The following GRID2 variants were observed in gnomAD, a reference collection of about 807,000 sequenced individuals.
GRID2 encodes the protein glutamate receptor ionotropic, delta-2.
GRID2 carries 33 observed loss-of-function variants against 114.8 expected under a neutral mutation model. The observed-to-expected ratio is 0.29, with a 90% CI of 0.22 to 0.38. The LOEUF is 0.38. GRID2 is among the 10% of genes least tolerant of loss of function. The pLI, the probability that GRID2 is intolerant of heterozygous loss-of-function variation, is 1.00. For missense variants in GRID2, 1,184 were observed against 1,257.7 expected (o/e 0.94, Z 0.89); for synonymous variants, 505 against 449.9 (o/e 1.12, Z -1.55).
chr4:93,541,794 T>C (rs1032920198), intron 13 of GRID2, among the ~76,000 whole-genome samples: 2 of 152,108 alleles, frequency 1.3e-5, no homozygotes, highest in African/African-American at 4.8e-5. Context: ...TTATCCTAAT[T>C]TTGCGTTTCA....
chr4:92,884,618 C>T (rs879661532), intron 2 of GRID2: 1 of 158,424 alleles, frequency 6.3e-6, no homozygotes, highest in Non-Finnish European at 1.4e-5. Flanking sequence ...GGACTTTTCA[C>T]TGGCCTAATT....
At chr4:92,337,657 AACTC>A (rs1727257619) in intron 1 of GRID2, among the ~76,000 whole-genome samples, 1 of 152,074 alleles carries the variant, frequency 6.6e-6, no homozygotes, top group Non-Finnish European at 1.5e-5. Context: ...ATCTTGTAAG[AACTC>A]ACTCACTATC....
chr4:92,849,968 G>C (rs1051772061), intron 2 of GRID2, among the ~76,000 whole-genome samples: 1 of 151,314 alleles, frequency 6.6e-6, no homozygotes, highest in Non-Finnish European at 1.5e-5. Context: ...CTTTCTACTT[G>C]AGAAGACAGA....
chr4:93,304,853 T>C (rs1191419682), intron 8 of GRID2, among the ~76,000 whole-genome samples: 1 of 152,132 alleles, frequency 6.6e-6, no homozygotes, highest in Non-Finnish European at 1.5e-5. Context: ...CTAGTAAAAA[T>C]GTATAGTTAA....
At chr4:93,721,162 T>G (rs775210359) in intron 14 of GRID2, among the ~76,000 whole-genome samples, 10 of 152,218 alleles carry the variant, frequency 6.6e-5, no homozygotes, top group Non-Finnish European at 1.3e-4. Context: ...GTGATGTGTA[T>G]TTCAAAGGTC....
intron 10 of GRID2, among the ~76,000 whole-genome samples, chr4:93,441,120 A>T (rs1276186664): frequency 6.6e-6 from 1 of 152,100 alleles, no homozygotes. Context: ...ATAAATCCTG[A>T]AATCCACGGT....
At chr4:92,330,051 CAGCA>C (rs1726802813) in intron 1 of GRID2, among the ~76,000 whole-genome samples, 1 of 146,988 alleles carries the variant, frequency 6.8e-6, no homozygotes. Flanking sequence ...TTTGAAGAAC[CAGCA>C]AGAATGTTAG....
chr4:92,357,884 A>G (rs1056246501), intron 1 of GRID2, among the ~76,000 whole-genome samples: 1 of 151,930 alleles, frequency 6.6e-6, no homozygotes, highest in Non-Finnish European at 1.5e-5. Context: ...GCTGATCACA[A>G]ATAACATGAT....
intron 14 of GRID2, among the ~76,000 whole-genome samples, chr4:93,731,494 A>T (rs1730480340): frequency 6.6e-6 from 1 of 152,190 alleles, no homozygotes; most frequent in African/African-American, 2.4e-5. Flanking sequence ...ATTTGTAAGG[A>T]ATTTGTCCCC....
At chr4:92,397,025 A>G (rs1730523559) in intron 1 of GRID2, among the ~76,000 whole-genome samples, 1 of 152,098 alleles carries the variant, frequency 6.6e-6, no homozygotes, top group Non-Finnish European at 1.5e-5. Context: ...AAGGGTTGAG[A>G]AGTAAAGTAT....
At chr4:92,681,704 C>T (rs9994093) in intron 2 of GRID2, among the ~76,000 whole-genome samples, 46,960 of 151,808 alleles carry the variant, frequency 0.31, 8,033 homozygotes, top group African/African-American at 0.46. Context: ...AAAAAACCCA[C>T]GGAATTGTAC....
Position 93,773,913 on chromosome 4 carries a change from G to A in GRID2, c.*1415G>A, listed in dbSNP as rs1196766718. The A allele has an allele frequency of 6.6e-6, 1 of 152,084 alleles. No individual in the cohort carries two copies. The highest frequency in any genetic ancestry group is 2.4e-5 in the African/African-American group (1 of 41,438). The allele number at this position is 152,084 out of a possible 1,614,324, so 9.4% of individuals were successfully genotyped here. A position where few individuals can be genotyped will look rare whatever the true frequency, so the allele number is the denominator to read the frequency against. Reference sequence around the variant, plus strand: ...CCTCTTTGTGCACAATCCTTTTAAAGTAGCATTCTTACTTGTTAGAAATGT... The same window carrying A: ...CCTCTTTGTGCACAATCCTTTTAAAATAGCATTCTTACTTGTTAGAAATGT... On this transcript the variant is annotated 3_prime_UTR_variant, in exon 16 of 16. Coordinates refer to ENST00000282020, the MANE Select transcript of GRID2 (RefSeq NM_001510.4).
At chr4:92,668,562 T>C (rs1398681442) in intron 2 of GRID2, among the ~76,000 whole-genome samples, 2 of 151,806 alleles carry the variant, frequency 1.3e-5, no homozygotes, top group Non-Finnish European at 2.9e-5. Flanking sequence ...CAAACTTGTG[T>C]GAGCCAACTA....
chr4:92,992,543 G>T (rs1183143016), intron 2 of GRID2, among the ~76,000 whole-genome samples: 3 of 151,954 alleles, frequency 2.0e-5, no homozygotes, highest in Non-Finnish European at 2.9e-5. Context: ...TTTATCTTCA[G>T]TATTATATTT....
intron 2 of GRID2, among the ~76,000 whole-genome samples, chr4:92,720,027 CATAA>C (rs1467485321): frequency 6.6e-6 from 1 of 152,044 alleles, no homozygotes; most frequent in African/African-American, 2.4e-5. Flanking sequence ...TAAGTGATAA[CATAA>C]ATACATATAT....
chr4:93,166,018 T>C (rs1488328712), intron 4 of GRID2: 2 of 152,148 alleles, frequency 1.3e-5, no homozygotes, highest in African/African-American at 4.8e-5. Flanking sequence ...TAGGCACTTA[T>C]AAGGCATTAC....
At chr4:92,962,160 T>C (rs1219120508) in intron 2 of GRID2, among the ~76,000 whole-genome samples, 1 of 152,032 alleles carries the variant, frequency 6.6e-6, no homozygotes, top group East Asian at 1.9e-4. Flanking sequence ...CTGCCTTATC[T>C]GAGTATGGTT....
chr4:92,429,514 G>T (rs1326668029), intron 1 of GRID2, among the ~76,000 whole-genome samples: 1 of 152,088 alleles, frequency 6.6e-6, no homozygotes, highest in Non-Finnish European at 1.5e-5. Context: ...AAGAGCTTAG[G>T]TTGCTTCCAA....
intron 1 of GRID2, among the ~76,000 whole-genome samples, chr4:92,432,877 C>T (rs866973753): frequency 1.3e-5 from 2 of 152,248 alleles, no homozygotes; most frequent in South Asian, 2.1e-4. Flanking sequence ...CAGCAGGGTA[C>T]TAGGTCTCCC....
Sources: gnomAD v4.1 joint callset for allele counts (sites outside exome capture counted in the v4.1 genomes callset) on GRCh38, gnomAD v4.1.1 for gene constraint, MANE v1.5 for transcripts, NCBI Gene and HGNC (gene_info 2026-07-23, HGNC 2026-07-21) for gene names.